Variants in MDGA2 observed in about 807,000 individuals in gnomAD.
The protein encoded by MDGA2 is MAM domain containing glycosylphosphatidylinositol anchor 2.
MDGA2 carries 40 observed loss-of-function variants against 117.8 expected under a neutral mutation model. The observed-to-expected ratio is 0.34, with a 90% confidence interval of 0.26 to 0.44. The LOEUF (loss-of-function observed/expected upper bound fraction) is 0.44, where lower values mean the gene tolerates loss of function less well. Ranked by LOEUF, MDGA2 falls within the 20% of genes least tolerant of loss-of-function variation. The pLI is 1.00. For synonymous variants in MDGA2, 452 were observed against 439.0 expected, an observed-to-expected ratio of 1.03 and a Z score of -0.37; for missense variants, 1,123 against 1,250.6, an observed-to-expected ratio of 0.90 and a Z score of 1.54.
chr14:47,195,884 A>G (rs1399359318), intron 3 of MDGA2, among the ~76,000 whole-genome samples: 1 of 152,090 alleles, frequency 6.6e-6, no homozygotes, highest in African/African-American at 2.4e-5. Flanking sequence ...AAACTGACAC[A>G]AAGAGAAAAT....
rs1311623342 is a variant in MDGA2 at position 47,620,694 on chromosome 14, T to C, written c.280+53823A>G. Among the ~76,000 whole-genome samples, 7 of 152,238 alleles carry C rather than the reference T, an allele frequency of 4.6e-5. No individual in the cohort carries two copies. In the East Asian group the frequency reaches 1.4e-3, roughly 29 times the overall value. On this transcript the variant is annotated intron_variant, in intron 1 of 16. Coordinates refer to ENST00000399232, the MANE Select transcript of MDGA2 (RefSeq NM_001113498.3). ...AATAAGATTAAGAATCTGGTTGCCA[T>C]TGTATGGCTCAAATACAGTATAAAG...
chr14:47,169,622 T>C (rs1361174831), intron 3 of MDGA2, among the ~76,000 whole-genome samples: 1 of 151,926 alleles, frequency 6.6e-6, no homozygotes, highest in Non-Finnish European at 1.5e-5. Context: ...TACTAAGGCA[T>C]GAATTTATGG....
intron 2 of MDGA2, among the ~76,000 whole-genome samples, chr14:47,257,866 T>C (rs1887674587): frequency 6.6e-6 from 1 of 152,124 alleles, no homozygotes; most frequent in Admixed American, 6.6e-5. Flanking sequence ...CTAGGTGACT[T>C]TTGAAAAAAC....
chr14:47,182,519 T>C (rs1884748968), intron 3 of MDGA2, among the ~76,000 whole-genome samples: 1 of 152,082 alleles, frequency 6.6e-6, no homozygotes, highest in South Asian at 2.1e-4. Context: ...AAGCCAGCCA[T>C]CTGCAAACCA....
At chr14:47,298,302 C>A (rs9323130) in intron 2 of MDGA2, among the ~76,000 whole-genome samples, 8,551 of 152,052 alleles carry the variant, frequency 0.056, 333 homozygotes, top group Middle Eastern at 0.13. Flanking sequence ...TACATCAATA[C>A]TCTCAGGCCA....
intron 5 of MDGA2, among the ~76,000 whole-genome samples, chr14:47,113,348 G>C (rs181692160): frequency 6.6e-6 from 1 of 151,560 alleles, no homozygotes; most frequent in Non-Finnish European, 1.5e-5. Flanking sequence ...GCCCACGACC[G>C]GATGGATTTA....
At chr14:47,339,589 C>T (rs1277658564) in intron 1 of MDGA2, among the ~76,000 whole-genome samples, 1 of 152,080 alleles carries the variant, frequency 6.6e-6, no homozygotes, top group African/African-American at 2.4e-5. Context: ...TAGGCATCAC[C>T]TCCAACTTGC....
chr14:47,189,536 A>G (rs1338491240), intron 3 of MDGA2, among the ~76,000 whole-genome samples: 1 of 152,092 alleles, frequency 6.6e-6, no homozygotes, highest in Non-Finnish European at 1.5e-5. Flanking sequence ...TTAAAAAAAA[A>G]TTGAGGTATT....
intron 1 of MDGA2, among the ~76,000 whole-genome samples, chr14:47,370,972 C>G (rs747988752): frequency 1.3e-5 from 2 of 151,706 alleles, no homozygotes; most frequent in Admixed American, 1.3e-4. Flanking sequence ...ATATTCTACA[C>G]CTAGTTGATA....
intron 1 of MDGA2, among the ~76,000 whole-genome samples, chr14:47,634,455 T>A (rs897338186): frequency 5.9e-5 from 9 of 152,062 alleles, no homozygotes; most frequent in Non-Finnish European, 1.0e-4. Context: ...AATATGCATA[T>A]TTTTATATGT....
chr14:47,104,399 T>A (rs544777317), intron 5 of MDGA2, among the ~76,000 whole-genome samples: 52 of 149,460 alleles, frequency 3.5e-4, no homozygotes, highest in Non-Finnish European at 6.5e-4. Context: ...GTCCTTTTCC[T>A]GGCTCATCCT....
intron 2 of MDGA2, among the ~76,000 whole-genome samples, chr14:47,284,591 C>A (rs758793763): frequency 2.6e-5 from 4 of 152,106 alleles, no homozygotes; most frequent in Non-Finnish European, 5.9e-5. Flanking sequence ...CATTATTTCT[C>A]AAACATAATG....
chr14:47,020,362 CAAT>C (rs1345787131), intron 8 of MDGA2, among the ~76,000 whole-genome samples: 2 of 152,120 alleles, frequency 1.3e-5, no homozygotes, highest in Non-Finnish European at 2.9e-5. Context: ...GGTCAAGCTA[CAAT>C]TTGGGACCAA....
chr14:47,179,108 G>GT (rs1469524126), intron 3 of MDGA2, among the ~76,000 whole-genome samples: 4 of 151,988 alleles, frequency 2.6e-5, no homozygotes, highest in Admixed American at 6.6e-5. Context: ...CTAGCCTTTT[G>GT]TTAGAAGACA....
chr14:46,876,651 A>C (rs1269250727), intron 12 of MDGA2, among the ~76,000 whole-genome samples: 5 of 151,406 alleles, frequency 3.3e-5, no homozygotes, highest in African/African-American at 1.2e-4. Flanking sequence ...ATTTTGCTTT[A>C]TTTGGTCTGC....
intron 5 of MDGA2, among the ~76,000 whole-genome samples, chr14:47,112,914 G>C (rs1489574402): frequency 1.3e-5 from 2 of 151,998 alleles, no homozygotes; most frequent in African/African-American, 2.4e-5. Flanking sequence ...GTTGTTTCTT[G>C]GCTTTTTAAT....
intron 6 of MDGA2, among the ~76,000 whole-genome samples, chr14:47,073,338 T>G (rs1281262151): frequency 6.6e-6 from 1 of 152,194 alleles, no homozygotes; most frequent in African/African-American, 2.4e-5. Context: ...TCTAATATGA[T>G]TTCATCATTT....
chr14:46,901,823 T>C (rs951873742), intron 10 of MDGA2, among the ~76,000 whole-genome samples: 3 of 152,160 alleles, frequency 2.0e-5, no homozygotes, highest in African/African-American at 2.4e-5. Context: ...CTGAACCACA[T>C]TGGCATGGCA....
intron 3 of MDGA2, among the ~76,000 whole-genome samples, chr14:47,172,367 A>G (rs1448005085): frequency 6.6e-6 from 1 of 151,884 alleles, no homozygotes; most frequent in Non-Finnish European, 1.5e-5. Flanking sequence ...CTGACCCCTG[A>G]CCCCCGAGAA....
Sources: gnomAD v4.1 joint callset for allele counts (sites outside exome capture counted in the v4.1 genomes callset) on GRCh38, gnomAD v4.1.1 for gene constraint, MANE v1.5 for transcripts, NCBI Gene and HGNC (gene_info 2026-07-23, HGNC 2026-07-21) for gene names.